DNER: variants seen among roughly 807,000 people sequenced by gnomAD.
The protein encoded by DNER is delta and Notch-like epidermal growth factor-related receptor.
In DNER, 33 loss-of-function variants were observed where a neutral mutation model predicts 78.2. That is an observed-to-expected ratio of 0.42 (90% CI 0.32 to 0.56). DNER has a LOEUF of 0.56. DNER is among the 20% of genes least tolerant of loss of function. The pLI is 0.11. For missense variants in DNER, 918 were observed against 975.3 expected (o/e 0.94, Z 0.78); for synonymous variants, 417 against 384.8 (o/e 1.08, Z -0.98).
intron 8 of DNER, among the ~76,000 whole-genome samples, chr2:229,446,927 T>C (rs1033122936): frequency 6.6e-6 from 1 of 152,178 alleles, no homozygotes; most frequent in Admixed American, 6.5e-5. Context: ...AAGCACACAA[T>C]AGTAAAAGAT....
At chr2:229,680,953 C>CTTTG (rs1265853552) in intron 1 of DNER, among the ~76,000 whole-genome samples, 1 of 152,182 alleles carries the variant, frequency 6.6e-6, no homozygotes, top group Non-Finnish European at 1.5e-5. Context: ...AAGAGGCTAG[C>CTTTG]TTTGGCAGGA....
chr2:229,699,555 G>A (rs1699711089), intron 1 of DNER, among the ~76,000 whole-genome samples: 1 of 152,038 alleles, frequency 6.6e-6, no homozygotes. Context: ...AGTAGAGATA[G>A]GGTTTTGCCT....
intron 1 of DNER, among the ~76,000 whole-genome samples, chr2:229,634,558 T>C (rs1698495895): frequency 6.6e-6 from 1 of 152,240 alleles, no homozygotes. Context: ...TGTAAGGATG[T>C]AATTACATCC....
intron 1 of DNER, among the ~76,000 whole-genome samples, chr2:229,668,516 ATGTG>A (rs60983481): frequency 5.1e-3 from 305 of 59,654 alleles, no homozygotes; most frequent in Middle Eastern, 0.021. Flanking sequence ...ATAGGTAAGT[ATGTG>A]TGTGTGTGTG....
chr2:229,618,350 A>G (rs1166392181), intron 1 of DNER, among the ~76,000 whole-genome samples: 1 of 152,228 alleles, frequency 6.6e-6, no homozygotes, highest in East Asian at 1.9e-4. Context: ...TTTGAATAAG[A>G]GTTCTTCCCA....
chr2:229,579,779 T>C (rs1697361215), intron 4 of DNER, among the ~76,000 whole-genome samples: 2 of 152,018 alleles, frequency 1.3e-5, no homozygotes, highest in Middle Eastern at 3.4e-3. Flanking sequence ...AGAATTCCTT[T>C]TTTTTTTTTT....
chr2:229,652,116 C>T (rs1698830208), intron 1 of DNER, among the ~76,000 whole-genome samples: 1 of 152,196 alleles, frequency 6.6e-6, no homozygotes, highest in Non-Finnish European at 1.5e-5. Context: ...GAGGAAACAT[C>T]AAAAGAAAAA....
At chr2:229,388,874 G>A (rs140890689) in intron 10 of DNER, among the ~76,000 whole-genome samples, 9 of 151,982 alleles carry the variant, frequency 5.9e-5, no homozygotes, top group South Asian at 2.1e-4. Flanking sequence ...CTCACAGTTC[G>A]TGATTATTCT....
chr2:229,532,314 A>G (rs941277143), intron 5 of DNER, among the ~76,000 whole-genome samples: 2 of 151,744 alleles, frequency 1.3e-5, no homozygotes, highest in African/African-American at 4.8e-5. Flanking sequence ...ATTACACCCC[A>G]CCTAACCATT....
chr2:229,379,993 G>A (rs1162254730), intron 11 of DNER, among the ~76,000 whole-genome samples: 1 of 152,202 alleles, frequency 6.6e-6, no homozygotes, highest in Non-Finnish European at 1.5e-5. Flanking sequence ...AGAATGCTAA[G>A]GGGGAGGCCT....
intron 10 of DNER, among the ~76,000 whole-genome samples, chr2:229,395,355 A>C (rs1253709181): frequency 6.6e-6 from 1 of 152,126 alleles, no homozygotes; most frequent in African/African-American, 2.4e-5. Context: ...GGGATAAAAC[A>C]CCCTTTGGGG....
At chr2:229,476,878 T>C (rs1357899076) in intron 7 of DNER, among the ~76,000 whole-genome samples, 1 of 130,816 alleles carries the variant, frequency 7.6e-6, no homozygotes, top group African/African-American at 2.6e-5. Flanking sequence ...CATTAGAGAT[T>C]CTATTTTATT....
At chr2:229,371,086 CCT>C (rs1404495895) in intron 11 of DNER, among the ~76,000 whole-genome samples, 2 of 152,218 alleles carry the variant, frequency 1.3e-5, no homozygotes, top group Admixed American at 1.3e-4. Flanking sequence ...GCTCTGCTTT[CCT>C]CTCTCCCCCT....
At chr2:229,406,383 G>C (rs1693383642) in intron 10 of DNER, among the ~76,000 whole-genome samples, 1 of 151,972 alleles carries the variant, frequency 6.6e-6, no homozygotes, top group Non-Finnish European at 1.5e-5. Flanking sequence ...CATAGACTTT[G>C]TCTTACTCTC....
chr2:229,415,842 T>C (rs1047444244), intron 9 of DNER, among the ~76,000 whole-genome samples: 1 of 152,226 alleles, frequency 6.6e-6, no homozygotes, highest in Non-Finnish European at 1.5e-5. Flanking sequence ...TACCTCATGA[T>C]AGAGAGGGGC....
At chr2:229,634,414 C>T (rs1159860849) in intron 1 of DNER, among the ~76,000 whole-genome samples, 1 of 152,118 alleles carries the variant, frequency 6.6e-6, no homozygotes, top group Non-Finnish European at 1.5e-5. Context: ...GCATTTCTCA[C>T]TTAACAAATT....
At chr2:229,395,064 T>C (rs1189336577) in intron 10 of DNER, among the ~76,000 whole-genome samples, 1 of 152,176 alleles carries the variant, frequency 6.6e-6, no homozygotes, top group African/African-American at 2.4e-5. Flanking sequence ...GTAAGAGTTA[T>C]AAGCAGACAG....
intron 1 of DNER, among the ~76,000 whole-genome samples, chr2:229,693,553 G>A (rs557648703): frequency 6.6e-6 from 1 of 152,222 alleles, no homozygotes; most frequent in African/African-American, 2.4e-5. Flanking sequence ...TGACTAAAAT[G>A]ATAATAGTGA....
chr2:229,481,184 T>G (rs1035765851), intron 6 of DNER, among the ~76,000 whole-genome samples: 1 of 152,172 alleles, frequency 6.6e-6, no homozygotes, highest in African/African-American at 2.4e-5. Flanking sequence ...TGCGAGCGTT[T>G]CCCAAATTAG....
Sources: gnomAD v4.1 joint callset for allele counts (sites outside exome capture counted in the v4.1 genomes callset) on GRCh38, gnomAD v4.1.1 for gene constraint, MANE v1.5 for transcripts, NCBI Gene and HGNC (gene_info 2026-07-23, HGNC 2026-07-21) for gene names.